Variants in ASIC2 observed in about 807,000 individuals in gnomAD.
ASIC2 encodes the protein acid-sensing ion channel 2.
Under a neutral mutation model 57.3 loss-of-function variants are expected in ASIC2, and 25 were observed. The ratio of observed to expected loss-of-function variants is 0.44; its 90% CI spans 0.32 to 0.61. ASIC2 has a LOEUF of 0.61. Ranked by LOEUF, ASIC2 falls within the 20% of genes least tolerant of loss-of-function variation. The pLI, the probability that ASIC2 is intolerant of heterozygous loss-of-function variation, is 0.06. For missense variants in ASIC2, 641 were observed against 738.1 expected, an observed-to-expected ratio of 0.87 and a Z score of 1.52; for synonymous variants, 319 against 307.5, an observed-to-expected ratio of 1.04 and a Z score of -0.39.
Position 33,293,095 on chromosome 17 carries a change from G to T in ASIC2, c.-980C>A. The T allele has an allele frequency of 1.1e-6, 1 of 949,264 alleles. No homozygotes were observed. Among genetic ancestry groups the T allele is most frequent in the Non-Finnish European group, 1.3e-6 (1 of 797,028 alleles). The allele number at this position is 949,264 out of a possible 1,614,324, so 58.8% of individuals were successfully genotyped here. On this transcript the variant is annotated 5_prime_UTR_variant, in exon 1 of 10. Coordinates refer to ENST00000225823, the MANE Select transcript of ASIC2 (RefSeq NM_183377.2). ...GGGGACCCGCCAACACCTCCCGGGGGTGACCCGGACTCGCTGCTCCGCGCG... is the reference window on the plus strand; with the variant it reads ...GGGGACCCGCCAACACCTCCCGGGGTTGACCCGGACTCGCTGCTCCGCGCG...
At chr17:34,018,052 C>A (rs1907029706) in intron 1 of ASIC2, among the ~76,000 whole-genome samples, 2 of 152,174 alleles carry the variant, frequency 1.3e-5, no homozygotes, top group Non-Finnish European at 2.9e-5. Flanking sequence ...TCTAGGACTT[C>A]CATAACCCAA....
At chr17:33,312,708 G>T (rs1431654829) in intron 1 of ASIC2, among the ~76,000 whole-genome samples, 1 of 152,200 alleles carries the variant, frequency 6.6e-6, no homozygotes, top group African/African-American at 2.4e-5. Context: ...GTTGAGGCAG[G>T]TGGCTTACCT....
chr17:33,185,139 G>A (rs1002274986), intron 1 of ASIC2, among the ~76,000 whole-genome samples: 1 of 152,216 alleles, frequency 6.6e-6, no homozygotes, highest in Non-Finnish European at 1.5e-5. Flanking sequence ...CCTGGTCTGT[G>A]ATGCTGCCCA....
In ASIC2 at chr17:33,492,164, C is replaced by T. The variant is rs114216352; in HGVS notation, c.556-380097G>A. Among the ~76,000 whole-genome samples the T allele has an allele frequency of 8.0e-3, 1,223 of 152,278 alleles. 22 individuals are homozygous for T. The highest frequency in any genetic ancestry group is 0.027 in the African/African-American group (1,132 of 41,534). On this transcript the variant is annotated intron_variant, in intron 1 of 9. Transcript: ENST00000359872. ...ACACAGCTAGCATGTATTAAGTGTG[C>T]GTTATGCAGCAGGTTCTAAGTGTTT...
chr17:33,518,394 AG>A (rs1380510024), intron 1 of ASIC2, among the ~76,000 whole-genome samples: 2 of 152,192 alleles, frequency 1.3e-5, no homozygotes, highest in Admixed American at 1.3e-4. Flanking sequence ...ATGATGTGGC[AG>A]GGGGCAAGGC....
At chr17:33,715,721 G>A (rs1487320500) in intron 1 of ASIC2, among the ~76,000 whole-genome samples, 1 of 152,088 alleles carries the variant, frequency 6.6e-6, no homozygotes, top group East Asian at 1.9e-4. Context: ...CCTTCCAATG[G>A]CATCTTTTCC....
At chr17:33,459,828 GAC>G (rs1231931206) in intron 1 of ASIC2, among the ~76,000 whole-genome samples, 1 of 152,182 alleles carries the variant, frequency 6.6e-6, no homozygotes, top group Non-Finnish European at 1.5e-5. Context: ...GCTGAGCTCA[GAC>G]CACATTGTGG....
intron 1 of ASIC2, among the ~76,000 whole-genome samples, chr17:34,016,584 A>T (rs1906990296): frequency 1.3e-5 from 2 of 152,224 alleles, no homozygotes; most frequent in African/African-American, 4.8e-5. Context: ...CAGTATATTT[A>T]ATACAGTTGC....
intron 1 of ASIC2, among the ~76,000 whole-genome samples, chr17:33,688,231 G>T (rs1908255509): frequency 6.6e-6 from 1 of 152,090 alleles, no homozygotes; most frequent in Non-Finnish European, 1.5e-5. Flanking sequence ...ACTTCGTGTT[G>T]GTTTTGTGTA....
intron 1 of ASIC2, among the ~76,000 whole-genome samples, chr17:33,692,709 T>C (rs1246848956): frequency 2.0e-5 from 3 of 152,222 alleles, no homozygotes; most frequent in East Asian, 1.9e-4. Flanking sequence ...GGAATTACTG[T>C]ATGCCCTAAT....
intron 1 of ASIC2, among the ~76,000 whole-genome samples, chr17:33,322,330 G>T (rs539942268): frequency 4.2e-4 from 64 of 152,204 alleles, no homozygotes; most frequent in African/African-American, 1.5e-3. Context: ...TCCAAATATT[G>T]CCAAAATCCA....
intron 1 of ASIC2, among the ~76,000 whole-genome samples, chr17:33,455,684 T>A (rs17249402): frequency 0.016 from 2,383 of 152,250 alleles, 66 homozygotes; most frequent in East Asian, 0.092. Flanking sequence ...TGCCTGTGAG[T>A]TTTCTTCATC....
chr17:33,850,401 G>A (rs1913732709), intron 1 of ASIC2, among the ~76,000 whole-genome samples: 1 of 152,196 alleles, frequency 6.6e-6, no homozygotes, highest in Non-Finnish European at 1.5e-5. Context: ...CAGAAAGACA[G>A]TTAATGGGTA....
chr17:33,405,770 C>T (rs1351443652), intron 1 of ASIC2, among the ~76,000 whole-genome samples: 1 of 152,084 alleles, frequency 6.6e-6, no homozygotes, highest in Non-Finnish European at 1.5e-5. Context: ...GCTTGAGCCA[C>T]CACACCGGGC....
At chr17:33,019,748 G>T (rs746794409) in intron 7 of ASIC2, among the ~76,000 whole-genome samples, 2 of 151,954 alleles carry the variant, frequency 1.3e-5, no homozygotes, top group Non-Finnish European at 2.9e-5. Flanking sequence ...CCTCATATCT[G>T]ACGCAGACAT....
At chr17:33,820,842 C>T (rs1398941053) in intron 1 of ASIC2, among the ~76,000 whole-genome samples, 2 of 152,158 alleles carry the variant, frequency 1.3e-5, no homozygotes, top group African/African-American at 4.8e-5. Context: ...ATGCCCGGCT[C>T]ACTTATTTCC....
At chr17:33,629,603 A>C (rs1468222204) in intron 1 of ASIC2, among the ~76,000 whole-genome samples, 1 of 152,184 alleles carries the variant, frequency 6.6e-6, no homozygotes, top group Non-Finnish European at 1.5e-5. Context: ...GGAGGAAGGT[A>C]GACAATATTT....
In ASIC2 at chr17:33,567,536, G is replaced by A. The variant is rs573368807; in HGVS notation, c.556-455469C>T. On this transcript the variant is annotated intron_variant, in intron 1 of 9. Transcript: ENST00000359872. ...TGGCTGCTGGACAGTGGGAAGGGAA[G>A]AGTAAAAACAGTATTCCAGGCAGGA... Among the ~76,000 whole-genome samples the A allele has an allele frequency of 3.9e-5, 6 of 152,316 alleles. No homozygotes were observed. In the South Asian group the frequency reaches 1.2e-3, roughly 32 times the overall value.
At chr17:33,880,600 T>C (rs1443999936) in intron 1 of ASIC2, among the ~76,000 whole-genome samples, 2 of 152,106 alleles carry the variant, frequency 1.3e-5, no homozygotes, top group Non-Finnish European at 2.9e-5. Context: ...GGCTCTGAAA[T>C]TGAGGGAATA....
Sources: allele counts gnomAD v4.1 joint callset (sites outside exome capture counted in the v4.1 genomes callset), GRCh38; gene constraint gnomAD v4.1.1; transcripts MANE v1.5; gene names NCBI Gene and HGNC (gene_info 2026-07-23, HGNC 2026-07-21).